TEKT5: variants seen among roughly 807,000 people sequenced by gnomAD.
The protein encoded by TEKT5 is tektin 5.
A neutral mutation model predicts 48.7 loss-of-function variants in TEKT5; 52 were observed. That is an observed-to-expected ratio of 1.07 (90% CI 0.86 to 1.35). The LOEUF (loss-of-function observed/expected upper bound fraction) is 1.35. Ranked by LOEUF, TEKT5 falls within the 40% of genes most tolerant of loss-of-function variation. The pLI, the probability that TEKT5 is intolerant of heterozygous loss-of-function variation, is 0.00. For synonymous variants in TEKT5, 318 were observed against 267.6 expected, an observed-to-expected ratio of 1.19 and a Z score of -1.84; for missense variants, 831 against 641.6, an observed-to-expected ratio of 1.30 and a Z score of -3.19.
chr16:10,693,077 G>C (rs767441944), intron 1 of TEKT5: 3 of 152,272 alleles, frequency 2.0e-5, no homozygotes, highest in Non-Finnish European at 2.9e-5. Flanking sequence ...TCCACATTTA[G>C]TTTTTGTTTG....
intron 1 of TEKT5, chr16:10,690,481 CT>C (rs1397724902): frequency 1.4e-5 from 11 of 806,488 alleles, no homozygotes; most frequent in Non-Finnish European, 1.6e-5. Context: ...AACCTCTCTG[CT>C]GGTTTCCTCC....
In TEKT5 at chr16:10,694,686, GTCTGGACGTTGGCTA is replaced by G; in HGVS notation, c.173_187del (p.Ile58_Gln62del). On this transcript the variant is annotated inframe_deletion, in exon 1 of 7. Transcript: ENST00000283025. ...GGTACTGGTGCTCTCGTCCGGGCAG[GTCTGGACGTTGGCTA>G]TCTTGTAGAAGAGGCTAGGCCTCCA... 1 of 1,613,696 alleles carries G rather than the reference GTCTGGACGTTGGCTA, an allele frequency of 6.2e-7. No individual in the cohort carries two copies. The highest frequency in any genetic ancestry group is 8.5e-7 in the Non-Finnish European group (1 of 1,179,730).
chr16:10,686,282 A>G (rs1354044306), intron 3 of TEKT5, among the ~76,000 whole-genome samples: 1 of 152,110 alleles, frequency 6.6e-6, no homozygotes, highest in African/African-American at 2.4e-5. Context: ...ACTGCAGACA[A>G]AAATCAACTC....
intron 5 of TEKT5, among the ~76,000 whole-genome samples, chr16:10,638,421 T>C (rs1448438927): frequency 1.3e-5 from 2 of 152,232 alleles, no homozygotes; most frequent in African/African-American, 4.8e-5. Flanking sequence ...ACAGGCTGTC[T>C]TGACACCCCT....
At chr16:10,671,531 G>C (rs1454915861) in intron 5 of TEKT5, among the ~76,000 whole-genome samples, 1 of 152,198 alleles carries the variant, frequency 6.6e-6, no homozygotes, top group Non-Finnish European at 1.5e-5. Flanking sequence ...AAATTAACCA[G>C]TCACAGGAGG....
intron 1 of TEKT5, chr16:10,692,989 G>C (rs888791208): frequency 6.6e-6 from 1 of 152,252 alleles, no homozygotes; most frequent in African/African-American, 2.4e-5. Context: ...TGGAGTATTT[G>C]TTACATGCGG....
At chr16:10,684,952 A>G (rs1898834722) in intron 3 of TEKT5, among the ~76,000 whole-genome samples, 1 of 152,174 alleles carries the variant, frequency 6.6e-6, no homozygotes, top group African/African-American at 2.4e-5. Flanking sequence ...TGGCCACCTG[A>G]GCAGGTCAGT....
chr16:10,658,399 A>G (rs888074941), intron 5 of TEKT5, among the ~76,000 whole-genome samples: 2 of 152,236 alleles, frequency 1.3e-5, no homozygotes, highest in African/African-American at 4.8e-5. Flanking sequence ...ATAGACCACT[A>G]TCCAGCGGTA....
chr16:10,640,951 C>A (rs1193945479), intron 5 of TEKT5, among the ~76,000 whole-genome samples: 1 of 152,090 alleles, frequency 6.6e-6, no homozygotes, highest in African/African-American at 2.4e-5. Flanking sequence ...GTATCTGAGT[C>A]TTTGGGGAGA....
intron 3 of TEKT5, among the ~76,000 whole-genome samples, chr16:10,684,267 C>T (rs1463047947): frequency 6.6e-6 from 1 of 152,082 alleles, no homozygotes; most frequent in Admixed American, 6.6e-5. Flanking sequence ...CTATCTGTCT[C>T]TCTGCCTTTC....
intron 3 of TEKT5, among the ~76,000 whole-genome samples, chr16:10,688,177 G>C (rs1898896603): frequency 6.6e-6 from 1 of 152,168 alleles, no homozygotes; most frequent in South Asian, 2.1e-4. Context: ...AACTCTGTTT[G>C]TGTCCTTTCA....
At chr16:10,643,393 AG>A (rs1220038254) in intron 5 of TEKT5, among the ~76,000 whole-genome samples, 2 of 151,920 alleles carry the variant, frequency 1.3e-5, no homozygotes, top group Admixed American at 1.3e-4. Flanking sequence ...AAAAAAAAAA[AG>A]TAAAATATAA....
chr16:10,632,146 G>T (rs1567223416), intron 6 of TEKT5, among the ~76,000 whole-genome samples: 1 of 152,214 alleles, frequency 6.6e-6, no homozygotes, highest in Non-Finnish European at 1.5e-5. Flanking sequence ...CACCAGCTCT[G>T]TCCAATAGAA....
At chr16:10,663,124 G>A (rs889703905) in intron 5 of TEKT5, among the ~76,000 whole-genome samples, 3 of 152,260 alleles carry the variant, frequency 2.0e-5, no homozygotes, top group Non-Finnish European at 2.9e-5. Context: ...TGCATGGGGT[G>A]TGAAAGGCAA....
intron 3 of TEKT5, among the ~76,000 whole-genome samples, chr16:10,688,076 C>G (rs1283301677): frequency 6.6e-6 from 1 of 152,088 alleles, no homozygotes; most frequent in Non-Finnish European, 1.5e-5. Context: ...TTAAGTGAAT[C>G]AATTTATAGA....
At chr16:10,637,186 G>A (rs8048160) in intron 5 of TEKT5, among the ~76,000 whole-genome samples, 27,224 of 151,030 alleles carry the variant, frequency 0.18, 2,874 homozygotes, top group African/African-American at 0.28. Context: ...GGGTTTCACC[G>A]TGTTACCCAG....
chr16:10,682,045 T>A lies in TEKT5; in HGVS notation c.811A>T (p.Asn271Tyr). The change falls in exon 4 of 7, where the codon AAT becomes TAT. Residue 271 changes from asparagine to tyrosine, a missense_variant. Coordinates refer to ENST00000283025, the MANE Select transcript of TEKT5 (RefSeq NM_144674.2). ...AAGAAGCTGATGCAGTCTGACGTAT[T>A]TCTCAGGTTAAAGCACTTCTCATCG... ...CIDEKCFNLR[N>Y]TSDCISFFHG... 3.7e-6 allele frequency: 6 copies of A among 1,614,178 alleles called. No individual in the cohort carries two copies. The highest frequency in any genetic ancestry group is 4.2e-6 in the Non-Finnish European group (5 of 1,180,022).
chr16:10,642,485 G>T (rs775236999), intron 5 of TEKT5, among the ~76,000 whole-genome samples: 20 of 151,958 alleles, frequency 1.3e-4, no homozygotes, highest in Non-Finnish European at 2.5e-4. Flanking sequence ...CATAACAAAG[G>T]CTCCTGCCCA....
At chr16:10,679,110 C>T (rs1038813928) in intron 4 of TEKT5, among the ~76,000 whole-genome samples, 2 of 152,128 alleles carry the variant, frequency 1.3e-5, no homozygotes, top group Non-Finnish European at 2.9e-5. Flanking sequence ...GGTACCAACC[C>T]CCAGGGTTGC....
Sources: gnomAD v4.1 joint callset for allele counts (sites outside exome capture counted in the v4.1 genomes callset) on GRCh38, gnomAD v4.1.1 for gene constraint, MANE v1.5 for transcripts, NCBI Gene and HGNC (gene_info 2026-07-23, HGNC 2026-07-21) for gene names.